The following DPYSL4 variants were observed in gnomAD, a reference collection of about 807,000 sequenced individuals.
DPYSL4 encodes the protein dihydropyrimidinase-related protein 4.
In DPYSL4, 43 loss-of-function variants were observed where a neutral mutation model predicts 63.4. The ratio of observed to expected loss-of-function variants is 0.68; its 90% confidence interval spans 0.53 to 0.88. The LOEUF is 0.88. Ranked by LOEUF, DPYSL4 falls within the 40% of genes least tolerant of loss-of-function variation. DPYSL4 has a pLI of 0.00. For synonymous variants in DPYSL4, 353 were observed against 331.7 expected (o/e 1.06, Z -0.70); for missense variants, 733 against 819.5 (o/e 0.89, Z 1.29).
rs2137490456 is a variant in DPYSL4, at chr10:132,186,965, G to A, written c.-99G>A. 3 of 553,380 alleles carry A rather than the reference G, an allele frequency of 5.4e-6. No homozygotes were observed. Among genetic ancestry groups the A allele is most frequent in the East Asian group, 9.4e-5 (2 of 21,170 alleles). The allele number at this position is 553,380 out of a possible 1,614,324, so 34.3% of individuals were successfully genotyped here. On this transcript the variant is annotated 5_prime_UTR_variant, in exon 1 of 14. Coordinates refer to ENST00000338492, the MANE Select transcript of DPYSL4 (RefSeq NM_006426.3). ...GCGCGCTCGCAGTCTGTCTCCCGCC[G>A]TCCCCACGCACGCGTCCCGGCTCAC...
intron 6 of DPYSL4, among the ~76,000 whole-genome samples, chr10:132,197,716 T>A (rs2061963839): frequency 6.6e-6 from 1 of 152,204 alleles, no homozygotes; most frequent in Non-Finnish European, 1.5e-5. Context: ...CAGTGAGACT[T>A]CGTGGGACGG....
At chr10:132,188,836 A>C (rs2061836815) in intron 1 of DPYSL4, among the ~76,000 whole-genome samples, 1 of 152,216 alleles carries the variant, frequency 6.6e-6, no homozygotes, top group African/African-American at 2.4e-5. Flanking sequence ...TATTGTTTTC[A>C]GTGAATATAC....
chr10:132,187,143 G>T (rs938042191), intron 1 of DPYSL4, 41 bp downstream of exon 1: 3 of 1,474,336 alleles, frequency 2.0e-6, no homozygotes, highest in Admixed American at 2.0e-5. Context: ...CCTGCCCGCC[G>T]CCCGGAGTGG....
intron 1 of DPYSL4, among the ~76,000 whole-genome samples, chr10:132,189,409 ATCT>A (rs1443839500): frequency 1.3e-5 from 2 of 152,190 alleles, no homozygotes; most frequent in Non-Finnish European, 2.9e-5. Context: ...TTTCTGCCTA[ATCT>A]TCTGCTTCCC....
rs556984356 is a variant in DPYSL4, at chr10:132,189,962, G to T, written c.40-785G>T. ...ACCCCACCAGAAGGTTCCATCCCTC[G>T]GCCTCCTCCCAGGTCTGCTGATGGC... On this transcript the variant is annotated intron_variant, in intron 1 of 13. Transcript: ENST00000338492. Among the ~76,000 whole-genome samples, 341 of 152,204 alleles carry T rather than the reference G, an allele frequency of 2.2e-3. 1 individual carries two copies. The highest frequency in any genetic ancestry group is 7.9e-3 in the African/African-American group (328 of 41,536).
chr10:132,204,725 G>C, intron 13 of DPYSL4, 114 bp from the exon 14 acceptor site: 1 of 829,220 alleles, frequency 1.2e-6, no homozygotes, highest in South Asian at 2.6e-5. Context: ...AGGTGTGCGG[G>C]GGCTCTGCAG....
rs762940389 is a variant in DPYSL4, at chr10:132,197,114, AGGGCTGCCGTGGGGCAGGCACAG to A, written c.621+32_621+54del. ...CATCGTGGAGGAGGTGCCGTGGGGC[AGGGCTGCCGTGGGGCAGGCACAG>A]GGGCTGCCGTGGGGCAGGGGCTGCC... On this transcript the variant is annotated intron_variant, in intron 6 of 13. Coordinates refer to ENST00000338492, the MANE Select transcript of DPYSL4 (RefSeq NM_006426.3). 2.3e-3 allele frequency: 3,405 copies of A among 1,489,428 alleles called. 10 individuals are homozygous for A. The highest frequency in any genetic ancestry group is 3.6e-3 in the Middle Eastern group (15 of 4,122). The allele number at this position is 1,489,428 out of a possible 1,614,324, so 92.3% of individuals were successfully genotyped here.
intron 8 of DPYSL4, among the ~76,000 whole-genome samples, 182 bp from the exon 9 acceptor site, chr10:132,200,174 G>A (rs950571946): frequency 7.2e-5 from 11 of 152,170 alleles, no homozygotes; most frequent in Admixed American, 5.9e-4. Context: ...GGCCAACCAC[G>A]TCTGCCCGCG....
intron 3 of DPYSL4, among the ~76,000 whole-genome samples, chr10:132,194,483 C>T (rs1208306876): frequency 1.3e-5 from 2 of 152,218 alleles, no homozygotes; most frequent in Non-Finnish European, 2.9e-5. Context: ...CAGCCTGGCC[C>T]TCGGGGTGCC....
At chr10:132,196,708 G>T (rs527293367) in intron 4 of DPYSL4, among the ~76,000 whole-genome samples, 153 bp from the exon 5 acceptor site, 1 of 152,320 alleles carries the variant, frequency 6.6e-6, no homozygotes, top group Non-Finnish European at 1.5e-5. Flanking sequence ...GCATGGAAGC[G>T]GGGGACTGCT....
At chr10:132,197,290 C>T (rs1489391749) in intron 6 of DPYSL4, among the ~76,000 whole-genome samples, 189 bp downstream of exon 6, 1 of 152,224 alleles carries the variant, frequency 6.6e-6, no homozygotes, top group African/African-American at 2.4e-5. Context: ...GTTAGAGAGA[C>T]TGGGGGGTGA....
At chr10:132,198,631 C>A in intron 7 of DPYSL4, 148 bp downstream of exon 7, 1 of 1,062,164 alleles carries the variant, frequency 9.4e-7, no homozygotes, top group Non-Finnish European at 1.3e-6. Context: ...CTCCCCGTGC[C>A]AGGCACTTGT....
chr10:132,203,726 C>T (rs1202176604), intron 12 of DPYSL4, 36 bp from the exon 13 acceptor site: 13 of 1,569,568 alleles, frequency 8.3e-6, no homozygotes, highest in Non-Finnish European at 1.1e-5. Flanking sequence ...AGGCTCAGCC[C>T]CTCATGCCCT....
chr10:132,196,539 G>A (rs2637628), intron 4 of DPYSL4, among the ~76,000 whole-genome samples: 12,558 of 152,314 alleles, frequency 0.082, 602 homozygotes, highest in Middle Eastern at 0.14. Flanking sequence ...CAGGCACAGC[G>A]GCTCTTCCAG....
At chr10:132,200,289 G>A in intron 8 of DPYSL4, 67 bp from the exon 9 acceptor site, 1 of 1,582,034 alleles carries the variant, frequency 6.3e-7, no homozygotes, top group Middle Eastern at 1.7e-4. Flanking sequence ...GTCAGCAGCA[G>A]CAGTTCTCGG....
chr10:132,202,795 T>C lies in DPYSL4; in HGVS notation c.1431T>C (p.Phe477=), dbSNP rs776950122. The change falls in exon 12 of 14, where the codon TTT becomes TTC. Residue 477 remains phenylalanine (F), a synonymous_variant. Transcript: ENST00000338492. The part of the protein sequence containing the change: ...RFVPRKTFPD[F]VYKRIKARNR... ...TCCCTCGGAAAACATTCCCGGACTT[T>C]GTCTACAAGAGGATCAAAGCTCGCA... The C allele has an allele frequency of 6.2e-7, 1 of 1,608,114 alleles. No homozygotes were observed. Among genetic ancestry groups the C allele is most frequent in the Admixed American group, 1.7e-5 (1 of 59,668 alleles).
At chr10:132,203,639 G>A in intron 12 of DPYSL4, 123 bp from the exon 13 acceptor site, 2 of 934,216 alleles carry the variant, frequency 2.1e-6, no homozygotes, top group Admixed American at 2.7e-5. Context: ...TGGCACTGGA[G>A]AGGCGCAGAG....
chr10:132,199,001 A>T (rs752969357), intron 8 of DPYSL4, 30 bp downstream of exon 8: 2 of 1,219,634 alleles, frequency 1.6e-6, no homozygotes, highest in Admixed American at 2.1e-5. Flanking sequence ...TCTGATGCCG[A>T]GGGGCCATGG....
intron 10 of DPYSL4, among the ~76,000 whole-genome samples, chr10:132,201,728 C>T (rs1340296935): frequency 6.6e-6 from 1 of 152,146 alleles, no homozygotes; most frequent in African/African-American, 2.4e-5. Context: ...TGGTATCCGT[C>T]TTTGTGGGGT....
Sources: gnomAD v4.1 joint callset for allele counts (sites outside exome capture counted in the v4.1 genomes callset) on GRCh38, gnomAD v4.1.1 for gene constraint, MANE v1.5 for transcripts, NCBI Gene and HGNC (gene_info 2026-07-23, HGNC 2026-07-21) for gene names.